Variants in CCND2 observed in about 807,000 individuals in gnomAD.
CCND2 encodes cyclin D2.
A neutral mutation model predicts 30.2 loss-of-function variants in CCND2; 6 were observed. That is an observed-to-expected ratio of 0.20 (90% CI 0.11 to 0.39). CCND2 has a LOEUF of 0.39. CCND2 is among the 10% of genes least tolerant of loss of function. The pLI is 1.00. For missense variants in CCND2, 235 were observed against 373.4 expected (o/e 0.63, Z 3.06); for synonymous variants, 150 against 153.1 (o/e 0.98, Z 0.15).
chr12:4,299,128 G>A lies in CCND2; in HGVS notation c.721-732G>A, dbSNP rs554807269. 6.6e-6 allele frequency among the ~76,000 whole-genome samples: 1 copy of A among 152,276 alleles called. No individual in the cohort carries two copies. Among genetic ancestry groups the A allele is most frequent in the African/African-American group, 2.4e-5 (1 of 41,568 alleles). On this transcript the variant is annotated intron_variant, in intron 4 of 4. Coordinates refer to ENST00000261254, the MANE Select transcript of CCND2 (RefSeq NM_001759.4). This position sits in a 1 kb window ranked among gnomAD's most constrained non-coding sequence, Gnocchi z 5.2. ...TGTAATCCCAGCACTTTGGGAGGCCGATGCGGGCGGATCACAAGGTCAGGA... is the reference window on the plus strand; with the variant it reads ...TGTAATCCCAGCACTTTGGGAGGCCAATGCGGGCGGATCACAAGGTCAGGA...
chr12:4,286,419 C>T (rs898871675), intron 3 of CCND2, among the ~76,000 whole-genome samples: 11 of 152,198 alleles, frequency 7.2e-5, no homozygotes, highest in Admixed American at 3.3e-4. Flanking sequence ...GATGTTGCCT[C>T]AGTATTTGAC....
intron 3 of CCND2, 104 bp from the exon 4 acceptor site, chr12:4,288,738 G>A (rs756418906): frequency 1.8e-5 from 20 of 1,129,822 alleles, no homozygotes; most frequent in East Asian, 5.1e-5. Flanking sequence ...GGTCACTCGC[G>A]CCGCTGACCT....
At chr12:4,295,748 G>C (rs1001850890) in intron 4 of CCND2, among the ~76,000 whole-genome samples, 1 of 152,236 alleles carries the variant, frequency 6.6e-6, no homozygotes, top group Admixed American at 6.5e-5. Context: ...TTGCACTCCA[G>C]CCTGAGTGAC....
In CCND2 at chr12:4,278,842, G is replaced by A. The variant is rs759672856; in HGVS notation, c.494G>A (p.Arg165His). Residue 165 changes from arginine to histidine, a missense_variant, in exon 3 of 5, where the codon CGC (arginine) becomes CAC (histidine). Coordinates refer to ENST00000261254, the MANE Select transcript of CCND2 (RefSeq NM_001759.4). ...TPHDFIEHIL[R>H]KLPQQREKLS... ...CATGACTTCATTGAGCACATCTTGC[G>A]CAAGCTGCCCCAGCAGCGGGAGAAG... 1.4e-5 allele frequency: 22 copies of A among 1,614,056 alleles called. No individual in the cohort carries two copies. The East Asian group carries it at 3.1e-4, about 23-fold the overall frequency.
In CCND2 at chr12:4,285,990, T is replaced by A. The variant is rs925920960; in HGVS notation, c.572-2852T>A. On this transcript the variant is annotated intron_variant, in intron 3 of 4. Coordinates refer to ENST00000261254, the MANE Select transcript of CCND2 (RefSeq NM_001759.4). This position sits in a 1 kb window ranked among gnomAD's most constrained non-coding sequence, Gnocchi z 4.1. ...TCTTCTCCTTGGGAGTCATTCCCAT[T>A]CCAGATCCTCAAGTAAGAGCAAAGT... 6.6e-6 allele frequency among the ~76,000 whole-genome samples: 1 copy of A among 152,138 alleles called. No individual in the cohort carries two copies. Among genetic ancestry groups the A allele is most frequent in the Non-Finnish European group, 1.5e-5 (1 of 68,032 alleles).
At position 4,300,039 on chromosome 12, in the gene CCND2, G is replaced by C. The variant is rs576728767; in HGVS notation, c.*30G>C. 6.9e-6 allele frequency: 11 copies of C among 1,602,568 alleles called. No homozygotes were observed. The highest frequency in any genetic ancestry group is 6.8e-6 in the Non-Finnish European group (8 of 1,173,378). ...GCCAGTTGGGCCGAAAGAGAGAGAC[G>C]CGTCCATAATCTGGTCTCTTCTTCT... On this transcript the variant is annotated 3_prime_UTR_variant, in exon 5 of 5. Transcript: ENST00000261254.
chr12:4,275,985 CT>C lies in CCND2; in HGVS notation c.196-17del. 1 of 1,486,532 alleles carries C rather than the reference CT, an allele frequency of 6.7e-7. No homozygotes were observed. 92.1% of individuals were successfully genotyped at this position (1,486,532 alleles called of 1,614,324 possible). A position where few individuals can be genotyped will look rare whatever the true frequency, so the allele number is the denominator to read the frequency against. On this transcript the variant is annotated intron_variant, in intron 1 of 4. Transcript: ENST00000261254. Reference sequence around the variant, plus strand: ...TGCTCTCCACCCCCGCCCCCCAACCCTTTCCCACTCCCATTATAGGTCTGTG... The same window carrying C: ...TGCTCTCCACCCCCGCCCCCCAACCCTTCCCACTCCCATTATAGGTCTGTG...
chr12:4,303,398 T>A lies in CCND2; in HGVS notation c.*3389T>A. 4.3e-6 allele frequency: 1 copy of A among 233,534 alleles called. No individual in the cohort carries two copies. Among genetic ancestry groups the A allele is most frequent in the Non-Finnish European group, 8.5e-6 (1 of 118,132 alleles). 14.5% of individuals were successfully genotyped at this position (233,534 alleles called of 1,614,324 possible). A position where few individuals can be genotyped will look rare whatever the true frequency, so the allele number is the denominator to read the frequency against. The stretch of plus-strand genomic sequence containing the variant: ...GAGCTCTCCCCCTTGGATTTGAACT[T>A]GCTCTTTTTGTTGTTGTTGTTCTTT... On this transcript the variant is annotated 3_prime_UTR_variant, in exon 5 of 5. Coordinates refer to ENST00000261254, the MANE Select transcript of CCND2 (RefSeq NM_001759.4). The surrounding 1 kb of genome is among the most constrained non-coding windows in gnomAD (Gnocchi z 4.6).
chr12:4,284,006 TCTTCCTGGCCTG>T (rs1863988072), intron 3 of CCND2, among the ~76,000 whole-genome samples: 1 of 152,196 alleles, frequency 6.6e-6, no homozygotes, highest in African/African-American at 2.4e-5. Flanking sequence ...GAGCCCTCAT[TCTTCCTGGCCTG>T]CTTGGCCTGC....
At chr12:4,290,294 C>T (rs1409386323) in intron 4 of CCND2, among the ~76,000 whole-genome samples, 2 of 152,108 alleles carry the variant, frequency 1.3e-5, no homozygotes, top group Admixed American at 6.5e-5. Flanking sequence ...TGAGATAGTT[C>T]GTAGATATGG....
At chr12:4,290,328 T>TA (rs1455462676) in intron 4 of CCND2, among the ~76,000 whole-genome samples, 3 of 152,154 alleles carry the variant, frequency 2.0e-5, no homozygotes, top group Non-Finnish European at 2.9e-5. Flanking sequence ...GCTCCAAACA[T>TA]ACGCTTTTTA....
In CCND2 at chr12:4,274,201, A is replaced by G; in HGVS notation, c.161A>G (p.Tyr54Cys). Residue 54 changes from tyrosine (Y) to cysteine (C), a missense_variant, in exon 1 of 5, where the codon TAC becomes TGC. Around this residue, in one of 2 missense-constraint regions of CCND2, gnomAD observed 178 missense variants for 322.8 expected, o/e 0.55. Coordinates refer to ENST00000261254, the MANE Select transcript of CCND2 (RefSeq NM_001759.4). The surrounding 1 kb of genome is among the most constrained non-coding windows in gnomAD (Gnocchi z 7.7). ...FKCVQKDIQPYMRRMVATWML... is the reference protein window; with the variant it reads ...FKCVQKDIQPCMRRMVATWML... ...TGCGTGCAGAAGGACATCCAACCCT[A>G]CATGCGCAGAATGGTGGCCACCTGG... The G allele has an allele frequency of 6.2e-7, 1 of 1,613,968 alleles. No homozygotes were observed.
In CCND2 at chr12:4,276,166, C is replaced by T. The variant is rs1591643892; in HGVS notation, c.357C>T (p.Thr119=). 2 of 1,614,202 alleles carry T rather than the reference C, an allele frequency of 1.2e-6. No individual in the cohort carries two copies. Among genetic ancestry groups the T allele is most frequent in the Admixed American group, 1.7e-5 (1 of 60,024 alleles). Residue 119 remains threonine, a synonymous_variant, in exon 2 of 5, where the codon ACC becomes ACT. Transcript: ENST00000261254. The surrounding 1 kb of genome is among the most constrained non-coding windows in gnomAD (Gnocchi z 4.8). ...AACTCAAAGAGACCAGCCCGCTGAC[C>T]GCGGAGAAGCTGTGCATTTACACCG... The part of the protein sequence containing the change: ...ASKLKETSPL[T]AEKLCIYTDN...
Position 4,302,235 on chromosome 12 carries a change from G to T in CCND2, c.*2226G>T. The T allele has an allele frequency of 4.3e-6, 1 of 232,856 alleles. No homozygotes were observed. Among genetic ancestry groups the T allele is most frequent in the Non-Finnish European group, 8.5e-6 (1 of 117,656 alleles). The allele number at this position is 232,856 out of a possible 1,614,324, so 14.4% of individuals were successfully genotyped here. ...TAGACCCTGGTATCCTCATCATGAT[G>T]GAAAAAATACATTGAACCAAGGGAT... On this transcript the variant is annotated 3_prime_UTR_variant, in exon 5 of 5. Coordinates refer to ENST00000261254, the MANE Select transcript of CCND2 (RefSeq NM_001759.4).
In CCND2 at chr12:4,301,663, A is replaced by T. The variant is rs3217923; in HGVS notation, c.*1654A>T. On this transcript the variant is annotated 3_prime_UTR_variant, in exon 5 of 5. Transcript: ENST00000261254. ...CAATCTAAGGGTCTCTCATTTTTTTAATTTTGTTTTGTTCAGTTTGGTTTT... is the reference window on the plus strand; with the variant it reads ...CAATCTAAGGGTCTCTCATTTTTTTTATTTTGTTTTGTTCAGTTTGGTTTT... The T allele has an allele frequency of 4.4e-5, 10 of 228,410 alleles. No individual in the cohort carries two copies. The highest frequency in any genetic ancestry group is 1.1e-4 in the Admixed American group (2 of 17,452). The allele number at this position is 228,410 out of a possible 1,614,324, so 14.1% of individuals were successfully genotyped here. A position where few individuals can be genotyped will look rare whatever the true frequency, so the allele number is the denominator to read the frequency against.
intron 2 of CCND2, among the ~76,000 whole-genome samples, chr12:4,277,540 G>A (rs1369888806): frequency 6.6e-6 from 1 of 152,236 alleles, no homozygotes; most frequent in Non-Finnish European, 1.5e-5. Context: ...GGTGAATTGA[G>A]ATGTTCTTCA....
Position 4,282,266 on chromosome 12 carries a change from A to T in CCND2, c.571+3347A>T, listed in dbSNP as rs1476683403. Among the ~76,000 whole-genome samples, 1 of 151,966 alleles carries T rather than the reference A, an allele frequency of 6.6e-6. No individual in the cohort carries two copies. Among genetic ancestry groups the T allele is most frequent in the Non-Finnish European group, 1.5e-5 (1 of 67,970 alleles). On this transcript the variant is annotated intron_variant, in intron 3 of 4. Transcript: ENST00000261254. This position sits in a 1 kb window ranked among gnomAD's most constrained non-coding sequence, Gnocchi z 4.3. ...TCACCCTCCCTCTCCAGGCACCCAC[A>T]TCCCCTCTTTCTTCACTAGAAGCCC...
intron 3 of CCND2, among the ~76,000 whole-genome samples, chr12:4,288,003 T>C (rs1018451113): frequency 3.9e-5 from 6 of 152,218 alleles, no homozygotes; most frequent in African/African-American, 1.2e-4. Context: ...AGCAATAAAA[T>C]GGGGCCTTCA....
chr12:4,276,043 T>A lies in CCND2; in HGVS notation c.234T>A (p.Pro78=), dbSNP rs560009483. The A allele has an allele frequency of 1.8e-5, 29 of 1,591,832 alleles. No homozygotes were observed. The Admixed American group carries it at 2.1e-4, about 11-fold the overall frequency. The change falls in exon 2 of 5, where the codon CCT becomes CCA. Residue 78 remains proline, a synonymous_variant. Transcript: ENST00000261254. This position sits in a 1 kb window ranked among gnomAD's most constrained non-coding sequence, Gnocchi z 4.8. ...AGAAGTGCGAAGAAGAGGTCTTCCC[T>A]CTGGCCATGAATTACCTGGACCGTT... ...EEQKCEEEVF[P]LAMNYLDRFL...
Sources: gnomAD v4.1 joint callset for allele counts (sites outside exome capture counted in the v4.1 genomes callset) on GRCh38, gnomAD v4.1.1 for gene constraint, gnomAD v4.1.1 regional missense constraint, Gnocchi (gnomAD v3.1) non-coding constraint, MANE v1.5 for transcripts, NCBI Gene and HGNC (gene_info 2026-07-23, HGNC 2026-07-21) for gene names.